Variants in TVP23A observed in about 807,000 individuals in gnomAD.
The protein encoded by TVP23A is trans-golgi network vesicle protein 23 homolog A.
Under a neutral mutation model 31.7 loss-of-function variants are expected in TVP23A, and 21 were observed. That is an observed-to-expected ratio of 0.66 (90% confidence interval 0.47 to 0.95). TVP23A has a LOEUF of 0.95. Among genes scored for constraint, TVP23A ranks in the 40% least tolerant of loss-of-function variants. The probability of loss-of-function intolerance (pLI) is 0.00; values close to 1 mark genes in which losing one functional copy is unlikely to be tolerated. For synonymous variants in TVP23A, 104 were observed against 96.0 expected, an observed-to-expected ratio of 1.08 and a Z score of -0.49; for missense variants, 279 against 255.6, an observed-to-expected ratio of 1.09 and a Z score of -0.62.
chr16:10,790,958 C>A (rs1237495366), intron 2 of TVP23A, among the ~76,000 whole-genome samples: 3 of 152,126 alleles, frequency 2.0e-5, no homozygotes, highest in Non-Finnish European at 4.4e-5. Context: ...GTCTGACCCC[C>A]ACCTCTTCCC....
chr16:10,814,209 C>T (rs1226847020), intron 2 of TVP23A, among the ~76,000 whole-genome samples: 2 of 152,078 alleles, frequency 1.3e-5, no homozygotes, highest in East Asian at 3.9e-4. Flanking sequence ...GCATTAGGCA[C>T]ACCGAGGATT....
At chr16:10,774,886 G>C (rs2142896305) in intron 3 of TVP23A, 66 bp downstream of exon 3, 1 of 1,456,278 alleles carries the variant, frequency 6.9e-7, no homozygotes, top group Non-Finnish European at 9.5e-7. Flanking sequence ...GTACCTCTTG[G>C]TACCACGCAC....
downstream of TVP23A, among the ~76,000 whole-genome samples, chr16:10,762,463 C>T (rs139764845): frequency 5.3e-5 from 8 of 152,348 alleles, no homozygotes; most frequent in South Asian, 2.1e-4. Context: ...CCCACACGCC[C>T]GCCGGGCGCC....
intron 2 of TVP23A, among the ~76,000 whole-genome samples, chr16:10,780,655 G>A (rs1490956810): frequency 6.6e-6 from 1 of 152,052 alleles, no homozygotes; most frequent in Non-Finnish European, 1.5e-5. Context: ...TTAACTCTGT[G>A]ATCCCTCCAT....
At chr16:10,798,310 C>G (rs900320863) in intron 2 of TVP23A, among the ~76,000 whole-genome samples, 1 of 151,914 alleles carries the variant, frequency 6.6e-6, no homozygotes, top group African/African-American at 2.4e-5. Context: ...TTTCAAATTA[C>G]AGTTCTGCCA....
At position 10,818,619 on chromosome 16, in the gene TVP23A, T is replaced by TG; in HGVS notation, c.-127dup. 8.1e-7 allele frequency: 1 copy of TG among 1,241,496 alleles called. No individual in the cohort carries two copies. Among genetic ancestry groups the TG allele is most frequent in the South Asian group, 1.6e-5 (1 of 64,152 alleles). 76.9% of individuals were successfully genotyped at this position (1,241,496 alleles called of 1,614,324 possible). ...ACGGTGGACGCTGAGGGTCGGGGCC[T>TG]GCGCCCTGTGGGGCAGCCTCAGCGC... is the stretch of plus-strand genomic sequence containing the variant. On this transcript the variant is annotated 5_prime_UTR_variant, in exon 1 of 8. Transcript: ENST00000299866. This position sits in a 1 kb window ranked among gnomAD's most constrained non-coding sequence, Gnocchi z 4.7.
chr16:10,781,844 C>T (rs2032440269), intron 2 of TVP23A, among the ~76,000 whole-genome samples: 1 of 142,984 alleles, frequency 7.0e-6, no homozygotes. Flanking sequence ...TCACAACTAA[C>T]ACAATCTTTT....
Position 10,818,398 on chromosome 16 carries a change from C to A in TVP23A, c.9+87G>T, listed in dbSNP as rs1382299539. 2 of 1,512,110 alleles carry A rather than the reference C, an allele frequency of 1.3e-6. No individual in the cohort carries two copies. The highest frequency in any genetic ancestry group is 1.8e-6 in the Non-Finnish European group (2 of 1,114,648). The allele number at this position is 1,512,110 out of a possible 1,614,324, so 93.7% of individuals were successfully genotyped here. A position where few individuals can be genotyped will look rare whatever the true frequency, so the allele number is the denominator to read the frequency against. On this transcript the variant is annotated intron_variant, in intron 1 of 7. Transcript: ENST00000299866. This position sits in a 1 kb window ranked among gnomAD's most constrained non-coding sequence, Gnocchi z 4.7. ...GCCCAGCCCCAGGCCCCGGCGCATCCCTCCTCCTCCTCCCGGCTTCTCCAG... is the reference window on the plus strand; with the variant it reads ...GCCCAGCCCCAGGCCCCGGCGCATCACTCCTCCTCCTCCCGGCTTCTCCAG...
downstream of TVP23A, chr16:10,757,876 T>C (rs760447819): frequency 6.2e-7 from 1 of 1,613,386 alleles, no homozygotes; most frequent in Non-Finnish European, 8.5e-7. This position sits in a 1 kb window ranked among gnomAD's most constrained non-coding sequence, Gnocchi z 4.1. Flanking sequence ...TTTCTAGGCA[T>C]GATCAAGCAG....
chr16:10,777,275 C>G lies in TVP23A; in HGVS notation c.90-2179G>C, dbSNP rs2032097434. ...AAGATTTTCATGAGAAGTCAGAAAT[C>G]CAGACTTGCAATGGGAAATCTGATT... On this transcript the variant is annotated intron_variant, in intron 2 of 7. Transcript: ENST00000299866. The surrounding 1 kb of genome is among the most constrained non-coding windows in gnomAD (Gnocchi z 4.5). Among the ~76,000 whole-genome samples the G allele has an allele frequency of 2.0e-5, 3 of 152,136 alleles. No homozygotes were observed. In the South Asian group the frequency reaches 6.2e-4, roughly 32 times the overall value.
intron 2 of TVP23A, among the ~76,000 whole-genome samples, chr16:10,778,581 T>G (rs921045254): frequency 2.0e-5 from 3 of 151,992 alleles, no homozygotes; most frequent in Non-Finnish European, 4.4e-5. Context: ...TCCGCAAACA[T>G]ATTTGTTATG....
rs151332432 is a variant in TVP23A, at chr16:10,805,605, G to A, written c.89+12498C>T. Among the ~76,000 whole-genome samples, 227 of 150,672 alleles carry A rather than the reference G, an allele frequency of 1.5e-3. 1 individual carries two copies. Among genetic ancestry groups the A allele is most frequent in the Non-Finnish European group, 2.0e-3 (134 of 67,794 alleles). On this transcript the variant is annotated intron_variant, in intron 2 of 7. Transcript: ENST00000299866. Reference sequence around the variant, plus strand: ...TAGCAGGGGGCCATGGAACCCCCGAGGCTGGGCTCCACGTGAAGAGGACTC... The same window carrying A: ...TAGCAGGGGGCCATGGAACCCCCGAAGCTGGGCTCCACGTGAAGAGGACTC...
In TVP23A at chr16:10,769,007, C is replaced by T. The variant is rs766203356; in HGVS notation, c.*95G>A. The T allele has an allele frequency of 4.4e-6, 7 of 1,586,394 alleles. No homozygotes were observed. The highest frequency in any genetic ancestry group is 3.3e-5 in the South Asian group (3 of 90,454). ...CAGGACAGGGCTGTCAAGGGGTAGA[C>T]AAGCCATTAGCACTCTATGCCTGTC... On this transcript the variant is annotated 3_prime_UTR_variant, in exon 8 of 8. Coordinates refer to ENST00000299866, the MANE Select transcript of TVP23A (RefSeq NM_001079512.4).
At chr16:10,772,751 A>C (rs1045509790) in intron 5 of TVP23A, among the ~76,000 whole-genome samples, 1 of 151,928 alleles carries the variant, frequency 6.6e-6, no homozygotes, top group Admixed American at 6.6e-5. Flanking sequence ...GGCTTGGAGG[A>C]ACAGAAGCAC....
At chr16:10,761,310 C>A in exon 9 of TVP23A, 2 of 1,532,458 alleles carry the variant, frequency 1.3e-6, no homozygotes, top group East Asian at 2.3e-5. Flanking sequence ...GTTGCACAGA[C>A]ATTCCCTTTC....
chr16:10,788,474 T>C (rs887721007), intron 2 of TVP23A, among the ~76,000 whole-genome samples: 5 of 151,982 alleles, frequency 3.3e-5, no homozygotes, highest in Non-Finnish European at 5.9e-5. Flanking sequence ...CAGGGTTTCA[T>C]CATGTTGGTC....
chr16:10,818,304 G>A lies in TVP23A; in HGVS notation c.10-122C>T. 4.6e-6 allele frequency: 5 copies of A among 1,087,814 alleles called. No homozygotes were observed. The highest frequency in any genetic ancestry group is 1.7e-5 in the African/African-American group (1 of 60,386). 67.4% of individuals were successfully genotyped at this position (1,087,814 alleles called of 1,614,324 possible). On this transcript the variant is annotated intron_variant, in intron 1 of 7. Transcript: ENST00000299866. The surrounding 1 kb of genome is among the most constrained non-coding windows in gnomAD (Gnocchi z 4.7). ...CACCGGGTTCCCAAGTGGACCCTCC[G>A]AGCTGGCGGGGCCCCTCCGCTGCGG... is the stretch of plus-strand genomic sequence containing the variant.
intron 2 of TVP23A, among the ~76,000 whole-genome samples, chr16:10,784,859 G>C (rs1235614484): frequency 6.6e-6 from 1 of 152,174 alleles, no homozygotes; most frequent in African/African-American, 2.4e-5. Flanking sequence ...CCAGCACTTT[G>C]GGAGGCCGAG....
intron 8 of TVP23A, chr16:10,761,627 T>G (rs1459954936): frequency 1.0e-6 from 1 of 972,046 alleles, no homozygotes; most frequent in East Asian, 2.6e-5. Flanking sequence ...TAAAGGAAAG[T>G]TCTTTAGGTG....
Sources: allele counts gnomAD v4.1 joint callset (sites outside exome capture counted in the v4.1 genomes callset), GRCh38; gene constraint gnomAD v4.1.1; non-coding constraint Gnocchi (gnomAD v3.1); transcripts MANE v1.5; gene names NCBI Gene and HGNC (gene_info 2026-07-23, HGNC 2026-07-21).